PGD: variants seen among roughly 807,000 people sequenced by gnomAD.
The protein encoded by PGD is 6-phosphogluconate dehydrogenase, decarboxylating.
A neutral mutation model predicts 60.4 loss-of-function variants in PGD; 21 were observed. The observed-to-expected ratio is 0.35, with a 90% CI of 0.25 to 0.50. PGD has a LOEUF of 0.50. PGD is among the 20% of genes least tolerant of loss of function. The probability of loss-of-function intolerance (pLI) is 0.98; values close to 1 mark genes in which losing one functional copy is unlikely to be tolerated. For missense variants in PGD, 477 were observed against 613.1 expected, an observed-to-expected ratio of 0.78 and a Z score of 2.34; for synonymous variants, 230 against 235.9, an observed-to-expected ratio of 0.97 and a Z score of 0.23.
chr1:10,415,968 G>C (rs1444330354), intron 8 of PGD, among the ~76,000 whole-genome samples: 1 of 151,672 alleles, frequency 6.6e-6, no homozygotes, highest in East Asian at 1.9e-4. Context: ...TTTTTTGAGA[G>C]GTGAGTCCGT....
rs1164657263 is a variant in PGD, at chr1:10,418,889, G to A, written c.1173G>A (p.Leu391=). 6.2e-7 allele frequency: 1 copy of A among 1,612,020 alleles called. No individual in the cohort carries two copies. Among genetic ancestry groups the A allele is most frequent in the South Asian group, 1.1e-5 (1 of 91,016 alleles). ...DRNPELQNLL[L]DDFFKSAVEN... The stretch of plus-strand genomic sequence containing the variant: ...ACCCGGAACTTCAGAACCTCCTACT[G>A]GACGACTTCTTTAAGTCAGCTGTTG... The change falls in exon 11 of 13, where the codon CTG becomes CTA. Residue 391 remains leucine, a synonymous_variant. Coordinates refer to ENST00000270776, the MANE Select transcript of PGD (RefSeq NM_002631.4).
chr1:10,403,216 A>G (rs1639344145), intron 4 of PGD, 80 bp downstream of exon 4: 2 of 923,382 alleles, frequency 2.2e-6, no homozygotes, highest in Non-Finnish European at 3.6e-6. Flanking sequence ...ATGTGACAGT[A>G]GGGTGAACTG....
rs180691829 is a variant in PGD at position 10,416,780 on chromosome 1, G to A, written c.845-207G>A. ...GAGAAGGAATGTCACAAGGTTAATC[G>A]CTCAGTTAAGGTGGGGCAGGAACAA... On this transcript the variant is annotated intron_variant, in intron 8 of 12. Coordinates refer to ENST00000270776, the MANE Select transcript of PGD (RefSeq NM_002631.4). Among the ~76,000 whole-genome samples, 89 of 152,262 alleles carry A rather than the reference G, an allele frequency of 5.8e-4. 1 individual carries two copies. The highest frequency in any genetic ancestry group is 2.0e-3 in the African/African-American group (85 of 41,544).
Position 10,400,522 on chromosome 1 carries a change from A to G in PGD, c.214A>G (p.Ile72Val). ...VSKLKKPRRI[I>V]LLVKAGQAVD... The stretch of plus-strand genomic sequence containing the variant: ...CAAGCTGAAGAAGCCCCGGCGGATC[A>G]TCCTCCTGGTGAAGGCTGGGCAAGC... Residue 72 changes from isoleucine to valine, a missense_variant, in exon 3 of 13, where the codon ATC becomes GTC. This residue lies in a region of PGD where 431 missense variants were observed against 556.6 expected (regional missense o/e 0.77). Transcript: ENST00000270776. The G allele has an allele frequency of 6.2e-7, 1 of 1,614,122 alleles. No individual in the cohort carries two copies. Among genetic ancestry groups the G allele is most frequent in the Non-Finnish European group, 8.5e-7 (1 of 1,180,014 alleles).
intron 6 of PGD, among the ~76,000 whole-genome samples, chr1:10,411,077 TG>T (rs1639491416): frequency 6.6e-6 from 1 of 151,802 alleles, no homozygotes; most frequent in African/African-American, 2.4e-5. Flanking sequence ...CTTTTTTTCT[TG>T]TGGGTGGGGG....
intron 6 of PGD, among the ~76,000 whole-genome samples, chr1:10,408,840 C>G (rs1639450197): frequency 6.6e-6 from 1 of 152,202 alleles, no homozygotes; most frequent in Non-Finnish European, 1.5e-5. Flanking sequence ...AACTCCTGGA[C>G]TCTCAAGTCA....
At chr1:10,407,948 C>CA (rs71583867) in intron 5 of PGD, 123 bp from the exon 6 acceptor site, 59,341 of 574,678 alleles carry the variant, frequency 0.1, 209 homozygotes, top group East Asian at 0.14. Flanking sequence ...GACCCTGTCT[C>CA]AAAAAAAAAA....
intron 6 of PGD, among the ~76,000 whole-genome samples, chr1:10,410,460 C>T (rs571095645): frequency 1.3e-5 from 2 of 151,870 alleles, no homozygotes; most frequent in East Asian, 1.9e-4. Flanking sequence ...AAAAGAAACA[C>T]GGACAATGGA....
chr1:10,415,472 C>G (rs1424583427), intron 8 of PGD: 4 of 152,216 alleles, frequency 2.6e-5, no homozygotes, highest in African/African-American at 7.2e-5. Context: ...GGGCCCACCC[C>G]CTGCTGGGAG....
At position 10,413,166 on chromosome 1, in the gene PGD, G is replaced by T; in HGVS notation, c.759G>T (p.Lys253Asn). The change falls in exon 8 of 13, where the codon AAG (lysine) becomes AAT (asparagine). Residue 253 changes from lysine (K) to asparagine (N), a missense_variant. Coordinates refer to ENST00000270776, the MANE Select transcript of PGD (RefSeq NM_002631.4). Reference protein sequence around the residue: ...QDTDGKHLLPKIRDSAGQKGT... With the variant: ...QDTDGKHLLPNIRDSAGQKGT... ...CCGATGGCAAACACCTGCTGCCAAA[G>T]ATCAGGGACAGCGCGGGGCAGAAGG... is the stretch of plus-strand genomic sequence containing the variant. The T allele has an allele frequency of 1.2e-6, 2 of 1,614,234 alleles. No homozygotes were observed. The highest frequency in any genetic ancestry group is 1.7e-6 in the Non-Finnish European group (2 of 1,180,040).
intron 6 of PGD, among the ~76,000 whole-genome samples, chr1:10,409,891 A>C (rs988792134): frequency 6.6e-6 from 1 of 152,002 alleles, no homozygotes; most frequent in Non-Finnish European, 1.5e-5. Flanking sequence ...CCTGACTTCA[A>C]GTAATCGGCC....
rs778109250 is a variant in PGD, at chr1:10,417,072, C to G, written c.930C>G (p.Phe310Leu). 19 of 1,613,968 alleles carry G rather than the reference C, an allele frequency of 1.2e-5. No individual in the cohort carries two copies. The highest frequency in any genetic ancestry group is 1.4e-5 in the Non-Finnish European group (17 of 1,179,876). The change falls in exon 9 of 13, where the codon TTC becomes TTG. Residue 310 changes from phenylalanine to leucine, a missense_variant. By Grantham distance (22) the Phe-to-Leu change is conservative (BLOSUM62 0). Transcript: ENST00000270776. Reference protein sequence around the residue: ...ASKKLKGPQKFQFDGDKKSFL... With the variant: ...ASKKLKGPQKLQFDGDKKSFL... ...AAAAGCTGAAGGGTCCCCAGAAGTT[C>G]CAGTTTGATGGTGATAAGAAATCAT...
chr1:10,402,999 A>G, intron 3 of PGD, 72 bp from the exon 4 acceptor site: 3 of 1,002,376 alleles, frequency 3.0e-6, no homozygotes, highest in Admixed American at 1.7e-5. Flanking sequence ...TTTGGAATAA[A>G]TTCTTGTTTG....
intron 8 of PGD, among the ~76,000 whole-genome samples, chr1:10,414,896 G>T (rs1246745387): frequency 6.6e-6 from 1 of 151,524 alleles, no homozygotes; most frequent in Admixed American, 6.6e-5. Flanking sequence ...TTTGAGTCCA[G>T]CCTGACCAAC....
intron 10 of PGD, among the ~76,000 whole-genome samples, chr1:10,417,788 C>T (rs1421233654): frequency 6.6e-6 from 1 of 152,192 alleles, no homozygotes; most frequent in Non-Finnish European, 1.5e-5. Context: ...TGACTCACTG[C>T]AACCTCTGCC....
chr1:10,411,317 G>A, intron 6 of PGD, 101 bp from the exon 7 acceptor site: 1 of 1,303,066 alleles, frequency 7.7e-7, no homozygotes, highest in Non-Finnish European at 1.1e-6. Flanking sequence ...TTTGTGTGGA[G>A]AGGTAGCCTT....
At chr1:10,419,174 ATT>A (rs36039303) in intron 11 of PGD, among the ~76,000 whole-genome samples, 6 of 138,246 alleles carry the variant, frequency 4.3e-5, no homozygotes, top group Admixed American at 7.3e-5. Flanking sequence ...TACCTGGCTA[ATT>A]TTTTTTTTTT....
In PGD at chr1:10,399,690, G is replaced by GA; in HGVS notation, c.71dup (p.Asp24GlufsTer10). 1 of 1,614,086 alleles carries GA rather than the reference G, an allele frequency of 6.2e-7. No individual in the cohort carries two copies. The highest frequency in any genetic ancestry group is 8.5e-7 in the Non-Finnish European group (1 of 1,179,996). ...CCAGAACTTAATTCTGAACATGAAT[G>GA]ACCACGGCTTTGTGGTAAGCGGCGT... On this transcript the variant is annotated frameshift_variant, in exon 2 of 13. Coordinates refer to ENST00000270776, the MANE Select transcript of PGD (RefSeq NM_002631.4). LOFTEE classifies it high-confidence loss of function.
chr1:10,418,242 ATTAG>A (rs1013293101), intron 10 of PGD, among the ~76,000 whole-genome samples: 10 of 152,230 alleles, frequency 6.6e-5, no homozygotes, highest in Non-Finnish European at 1.5e-4. Flanking sequence ...TGATTCTAAT[ATTAG>A]TTCTCTTTAG....
Sources: allele counts gnomAD v4.1 joint callset (sites outside exome capture counted in the v4.1 genomes callset), GRCh38; gene constraint gnomAD v4.1.1; regional missense constraint gnomAD v4.1.1; transcripts MANE v1.5; gene names NCBI Gene and HGNC (gene_info 2026-07-23, HGNC 2026-07-21).